TTC28: variants seen among roughly 807,000 people sequenced by gnomAD.
The protein encoded by TTC28 is tetratricopeptide repeat domain 28, also known as tetratricopeptide repeat protein 28.
In TTC28, 61 loss-of-function variants were observed where a neutral mutation model predicts 198.0. The observed-to-expected ratio is 0.31, with a 90% CI of 0.25 to 0.38. The LOEUF (loss-of-function observed/expected upper bound fraction) is 0.38, where lower values mean the gene tolerates loss of function less well. Ranked by LOEUF, TTC28 falls within the 10% of genes least tolerant of loss-of-function variation. TTC28 has a pLI of 1.00. For missense variants in TTC28, 2,678 were observed against 3,164.0 expected (o/e 0.85, Z 3.69); for synonymous variants, 1,171 against 1,297.8 (o/e 0.90, Z 2.10).
chr22:28,535,042 C>G (rs947014812), intron 2 of TTC28, among the ~76,000 whole-genome samples: 1 of 151,812 alleles, frequency 6.6e-6, no homozygotes, highest in Non-Finnish European at 1.5e-5. Flanking sequence ...CATGTGTACA[C>G]CCTAGAACTT....
In TTC28 at chr22:28,297,827, C is replaced by A; in HGVS notation, c.555G>T (p.Gln185His). The change falls in exon 4 of 23, where the codon CAG (glutamine) becomes CAT (histidine). Residue 185 changes from glutamine (Q) to histidine (H), a missense_variant. By Grantham distance (24) the Gln-to-His change is conservative (BLOSUM62 0). This residue lies in a region of TTC28 where 176 missense variants were observed against 197.9 expected (regional missense o/e 0.89). Coordinates refer to ENST00000397906, the MANE Select transcript of TTC28 (RefSeq NM_001145418.2). ...MRDSLEPTYQ[Q>H]LQKMKLDKSP... ...TCTTGTCCAGTTTCATTTTCTGAAG[C>A]TGCTGATAAGTGGGCTCGAGGGAGT... The A allele has an allele frequency of 6.4e-7, 1 of 1,551,556 alleles. No individual in the cohort carries two copies. Among genetic ancestry groups the A allele is most frequent in the Non-Finnish European group, 8.7e-7 (1 of 1,146,982 alleles).
chr22:28,023,475 A>C (rs1415471394), intron 13 of TTC28, among the ~76,000 whole-genome samples: 1 of 152,232 alleles, frequency 6.6e-6, no homozygotes, highest in Non-Finnish European at 1.5e-5. Context: ...TGGAGAGAAG[A>C]AAAGACAACC....
chr22:28,199,107 T>G (rs891478904), intron 5 of TTC28, among the ~76,000 whole-genome samples: 6 of 152,062 alleles, frequency 3.9e-5, no homozygotes, highest in Middle Eastern at 3.2e-3. Context: ...AGAAGTAATA[T>G]CTTGTAACCC....
chr22:28,026,130 T>C (rs1938822743), intron 13 of TTC28, among the ~76,000 whole-genome samples: 1 of 152,204 alleles, frequency 6.6e-6, no homozygotes, highest in Non-Finnish European at 1.5e-5. Context: ...GGGCAGGCTC[T>C]GGGAGCACTA....
intron 5 of TTC28, among the ~76,000 whole-genome samples, chr22:28,258,579 G>A (rs1018311651): frequency 1.3e-4 from 19 of 151,798 alleles, no homozygotes; most frequent in Non-Finnish European, 2.5e-4. Context: ...GTCTAAAACC[G>A]GCAAGTTATC....
At chr22:28,009,536 G>A (rs1266669464) in intron 14 of TTC28, among the ~76,000 whole-genome samples, 1 of 152,258 alleles carries the variant, frequency 6.6e-6, no homozygotes, top group African/African-American at 2.4e-5. Context: ...CAGTGCGTGG[G>A]TGCTTGCAGC....
chr22:28,028,324 T>C (rs1938919448), intron 13 of TTC28, among the ~76,000 whole-genome samples: 1 of 152,202 alleles, frequency 6.6e-6, no homozygotes, highest in Non-Finnish European at 1.5e-5. Context: ...TTGTGTTGTA[T>C]AAGTGAACCA....
chr22:28,428,429 C>A (rs967824451), intron 2 of TTC28, among the ~76,000 whole-genome samples: 1 of 152,084 alleles, frequency 6.6e-6, no homozygotes, highest in Non-Finnish European at 1.5e-5. Context: ...ATTTCCTCCT[C>A]CTTTCTCCTG....
chr22:28,170,980 C>CTT (rs76585422), intron 5 of TTC28, among the ~76,000 whole-genome samples: 23 of 132,800 alleles, frequency 1.7e-4, no homozygotes, highest in East Asian at 8.7e-4. Flanking sequence ...GCCACTCATT[C>CTT]TTTTTTTTTT....
intron 2 of TTC28, among the ~76,000 whole-genome samples, chr22:28,623,330 A>T (rs897642942): frequency 6.6e-6 from 1 of 152,232 alleles, no homozygotes; most frequent in Non-Finnish European, 1.5e-5. Flanking sequence ...GGATCAATTT[A>T]TCAAGAAGAT....
chr22:28,305,014 A>T (rs1291064410), intron 3 of TTC28, among the ~76,000 whole-genome samples: 1 of 145,360 alleles, frequency 6.9e-6, no homozygotes, highest in African/African-American at 2.6e-5. Flanking sequence ...TTTGAGACGG[A>T]GTCTCACTCT....
At chr22:28,279,440 G>A (rs1221751080) in intron 5 of TTC28, among the ~76,000 whole-genome samples, 2 of 151,968 alleles carry the variant, frequency 1.3e-5, no homozygotes, top group Non-Finnish European at 2.9e-5. Context: ...GTGCAATCTT[G>A]GCTCACTGCA....
At chr22:28,371,247 G>A (rs2145990332) in intron 2 of TTC28, among the ~76,000 whole-genome samples, 1 of 151,682 alleles carries the variant, frequency 6.6e-6, no homozygotes, top group Admixed American at 6.6e-5. Flanking sequence ...GCCAGGCATG[G>A]TGGCTCATGG....
intron 5 of TTC28, among the ~76,000 whole-genome samples, chr22:28,246,903 A>T (rs1275438572): frequency 6.6e-6 from 1 of 152,176 alleles, no homozygotes; most frequent in Non-Finnish European, 1.5e-5. Flanking sequence ...TGGCTTTTTA[A>T]AGGAAGATCT....
intron 5 of TTC28, among the ~76,000 whole-genome samples, chr22:28,265,779 C>A (rs1931643962): frequency 6.6e-6 from 1 of 152,132 alleles, no homozygotes; most frequent in African/African-American, 2.4e-5. Context: ...TCATAAAGAT[C>A]TTAGAACAGA....
intron 2 of TTC28, among the ~76,000 whole-genome samples, chr22:28,377,134 T>C (rs912891052): frequency 1.4e-5 from 2 of 140,998 alleles, no homozygotes; most frequent in Admixed American, 7.3e-5. Flanking sequence ...GACTAGGACA[T>C]AATAGATTCT....
At chr22:28,580,003 T>TAC (rs751009561) in intron 2 of TTC28, among the ~76,000 whole-genome samples, 84 of 151,272 alleles carry the variant, frequency 5.6e-4, no homozygotes, top group African/African-American at 9.2e-4. Flanking sequence ...CACACACACA[T>TAC]ACACACACAC....
intron 5 of TTC28, among the ~76,000 whole-genome samples, chr22:28,224,830 T>C (rs532566169): frequency 2.8e-4 from 43 of 152,182 alleles, no homozygotes; most frequent in Non-Finnish European, 4.7e-4. Flanking sequence ...CCTTTTTTGC[T>C]TAAACTAGTT....
chr22:28,180,819 A>G (rs1195858195), intron 5 of TTC28, among the ~76,000 whole-genome samples: 1 of 152,224 alleles, frequency 6.6e-6, no homozygotes, highest in Non-Finnish European at 1.5e-5. Context: ...CCACATAAAC[A>G]GGGAAATTTT....
Sources: allele counts gnomAD v4.1 joint callset (sites outside exome capture counted in the v4.1 genomes callset), GRCh38; gene constraint gnomAD v4.1.1; regional missense constraint gnomAD v4.1.1; transcripts MANE v1.5; gene names NCBI Gene and HGNC (gene_info 2026-07-23, HGNC 2026-07-21).